Variants in SLC2A13 observed in about 807,000 individuals in gnomAD.
SLC2A13 encodes proton myo-inositol cotransporter.
SLC2A13 carries 32 observed loss-of-function variants against 64.4 expected under a neutral mutation model. The ratio of observed to expected loss-of-function variants is 0.50; its 90% CI spans 0.37 to 0.67. The LOEUF is 0.67. SLC2A13 is among the 30% of genes least tolerant of loss of function. The pLI is 0.00. For missense variants in SLC2A13, 743 were observed against 829.2 expected, an observed-to-expected ratio of 0.90 and a Z score of 1.28; for synonymous variants, 338 against 327.1, an observed-to-expected ratio of 1.03 and a Z score of -0.36.
At chr12:39,889,770 T>G (rs188939376) in intron 4 of SLC2A13, among the ~76,000 whole-genome samples, 1 of 152,232 alleles carries the variant, frequency 6.6e-6, no homozygotes, top group East Asian at 1.9e-4. Context: ...GACCTCGTGA[T>G]CTGCCCGCCT....
At chr12:39,992,419 A>G (rs1947152396) in intron 3 of SLC2A13, among the ~76,000 whole-genome samples, 1 of 152,200 alleles carries the variant, frequency 6.6e-6, no homozygotes, top group Admixed American at 6.5e-5. Context: ...GGTGGCAGGG[A>G]GAAAGACAAT....
At chr12:40,104,234 C>G (rs1195918529) in intron 1 of SLC2A13, among the ~76,000 whole-genome samples, 3 of 152,178 alleles carry the variant, frequency 2.0e-5, no homozygotes, top group Non-Finnish European at 4.4e-5. Flanking sequence ...ATTAAAAAAG[C>G]ATCAGCGGTG....
chr12:39,845,784 T>G (rs779647984), intron 6 of SLC2A13, among the ~76,000 whole-genome samples: 6 of 152,016 alleles, frequency 3.9e-5, no homozygotes, highest in Non-Finnish European at 8.8e-5. Flanking sequence ...TAAATCAAGG[T>G]GAATGAAACC....
rs530905309 is a variant in SLC2A13 at position 39,795,472 on chromosome 12, A to G, written c.1446-30614T>C. On this transcript the variant is annotated intron_variant, in intron 7 of 9. Transcript: ENST00000280871. ...GATTTTATATTTGTCTAATAAATCC[A>G]ATACCTCTAATCTTTGCAGGTCCAG... 2.6e-5 allele frequency among the ~76,000 whole-genome samples: 4 copies of G among 152,294 alleles called. No individual in the cohort carries two copies. In the South Asian group the frequency reaches 8.3e-4, roughly 32 times the overall value.
At chr12:39,903,858 C>A (rs1430456586) in intron 4 of SLC2A13, among the ~76,000 whole-genome samples, 1 of 151,970 alleles carries the variant, frequency 6.6e-6, no homozygotes, top group African/African-American at 2.4e-5. Flanking sequence ...GATTGAGTGG[C>A]CTCTTATATT....
At chr12:39,785,802 G>A (rs1392766277) in intron 7 of SLC2A13, among the ~76,000 whole-genome samples, 2 of 152,206 alleles carry the variant, frequency 1.3e-5, no homozygotes, top group African/African-American at 2.4e-5. Context: ...AATCAAAGGA[G>A]ATCATTTTGG....
intron 4 of SLC2A13, among the ~76,000 whole-genome samples, chr12:39,915,385 A>G (rs1945505748): frequency 6.6e-6 from 1 of 152,012 alleles, no homozygotes; most frequent in African/African-American, 2.4e-5. Context: ...CAATGTCAAG[A>G]GCACGGTTTA....
chr12:40,025,717 T>C (rs1947792244), intron 3 of SLC2A13, among the ~76,000 whole-genome samples: 2 of 152,194 alleles, frequency 1.3e-5, no homozygotes, highest in Non-Finnish European at 2.9e-5. Context: ...TGCCCACAGT[T>C]CCCAGGCTTG....
chr12:40,080,370 C>T (rs959727748), intron 1 of SLC2A13, among the ~76,000 whole-genome samples: 1 of 152,044 alleles, frequency 6.6e-6, no homozygotes, highest in East Asian at 1.9e-4. Flanking sequence ...TCAAAGTGGG[C>T]ATTTATCCTG....
At chr12:39,988,727 A>G (rs1402473744) in intron 3 of SLC2A13, among the ~76,000 whole-genome samples, 1 of 127,070 alleles carries the variant, frequency 7.9e-6, no homozygotes, top group African/African-American at 3.0e-5. Flanking sequence ...GGAAGGAAGG[A>G]AGGGGGGGAG....
intron 7 of SLC2A13, among the ~76,000 whole-genome samples, chr12:39,775,153 A>G (rs1940732467): frequency 6.6e-6 from 1 of 152,218 alleles, no homozygotes. Context: ...AGAGAATTAG[A>G]AACCATAAAA....
chr12:40,043,704 G>T (rs1948129740), intron 2 of SLC2A13, among the ~76,000 whole-genome samples: 1 of 151,664 alleles, frequency 6.6e-6, no homozygotes, highest in African/African-American at 2.4e-5. Flanking sequence ...AAACATCTCT[G>T]CCATCTTTGT....
chr12:40,015,454 T>G lies in SLC2A13; in HGVS notation c.925+12847A>C, dbSNP rs1279733916. Among the ~76,000 whole-genome samples the G allele has an allele frequency of 2.0e-5, 3 of 152,338 alleles. No individual in the cohort carries two copies. In the East Asian group the frequency reaches 5.8e-4, roughly 29 times the overall value. On this transcript the variant is annotated intron_variant, in intron 3 of 9. Transcript: ENST00000280871. ...TTACCTGAGTAGCTTACTAATTCAC[T>G]TGGCAGGTAGAGCTTCTCAGCACAA...
rs868529451 is a variant in SLC2A13, at chr12:39,831,832, G to A, written c.1320-1604C>T. Among the ~76,000 whole-genome samples the A allele has an allele frequency of 1.1e-4, 17 of 152,184 alleles. No individual in the cohort carries two copies. In the South Asian group the frequency reaches 3.3e-3, roughly 30 times the overall value. On this transcript the variant is annotated intron_variant, in intron 6 of 9. Transcript: ENST00000280871. ...GTTCCCCCTTAGCCTTCTACCATAAGCTTCCTGATGCCCTCACCAGAAGCA... is the reference window on the plus strand; with the variant it reads ...GTTCCCCCTTAGCCTTCTACCATAAACTTCCTGATGCCCTCACCAGAAGCA...
At chr12:39,998,394 G>A (rs902166543) in intron 3 of SLC2A13, among the ~76,000 whole-genome samples, 4 of 152,240 alleles carry the variant, frequency 2.6e-5, no homozygotes, top group African/African-American at 9.6e-5. Context: ...AAAAGGGTGG[G>A]AAGGGGGTGA....
intron 4 of SLC2A13, among the ~76,000 whole-genome samples, chr12:39,941,608 T>A (rs4768200): frequency 0.29 from 44,749 of 152,156 alleles, 6,991 homozygotes; most frequent in Non-Finnish European, 0.36. Flanking sequence ...GCCTACTTTT[T>A]GATGGGATTG....
intron 6 of SLC2A13, among the ~76,000 whole-genome samples, chr12:39,834,219 G>A (rs1942942940): frequency 6.6e-6 from 1 of 152,026 alleles, no homozygotes; most frequent in Admixed American, 6.6e-5. Context: ...TGCCCATTAT[G>A]ACTCTTGAGA....
At chr12:40,044,274 G>C (rs1321461330) in intron 2 of SLC2A13, among the ~76,000 whole-genome samples, 1 of 152,052 alleles carries the variant, frequency 6.6e-6, no homozygotes, top group African/African-American at 2.4e-5. Flanking sequence ...TAAACCTATA[G>C]AAACACAAAG....
At chr12:39,846,081 TA>T (rs1943303532) in intron 6 of SLC2A13, among the ~76,000 whole-genome samples, 1 of 152,126 alleles carries the variant, frequency 6.6e-6, no homozygotes, top group Non-Finnish European at 1.5e-5. Context: ...ACAGAGGCCT[TA>T]AAAACAATTG....
Sources: allele counts gnomAD v4.1 joint callset (sites outside exome capture counted in the v4.1 genomes callset), GRCh38; gene constraint gnomAD v4.1.1; transcripts MANE v1.5; gene names NCBI Gene and HGNC (gene_info 2026-07-23, HGNC 2026-07-21).